The following HFE variants were observed in gnomAD, a reference collection of about 807,000 sequenced individuals.
HFE encodes the protein homeostatic iron regulator, also known as hereditary hemochromatosis protein.
HFE carries 36 observed loss-of-function variants against 40.9 expected under a neutral mutation model. That is an observed-to-expected ratio of 0.88 (90% CI 0.67 to 1.16). The LOEUF is 1.16. HFE is among the 50% of genes most tolerant of loss of function. The probability of loss-of-function intolerance (pLI) is 0.00; values close to 1 mark genes in which losing one functional copy is unlikely to be tolerated. For missense variants in HFE, 376 were observed against 432.0 expected, an observed-to-expected ratio of 0.87 and a Z score of 1.15; for synonymous variants, 157 against 165.4, an observed-to-expected ratio of 0.95 and a Z score of 0.39.
intron 3 of HFE, 26 bp downstream of exon 3, chr6:26,091,615 C>G: frequency 6.2e-7 from 1 of 1,611,020 alleles, no homozygotes; most frequent in Non-Finnish European, 8.5e-7. Flanking sequence ...ACTTCTGCCC[C>G]TATACTCTAG....
rs1762915421 is a variant in HFE at position 26,094,185 on chromosome 6, G to A, written c.1007-1G>A. 6.2e-7 allele frequency: 1 copy of A among 1,613,970 alleles called. No individual in the cohort carries two copies. On this transcript the variant is annotated splice_acceptor_variant, in intron 5 of 5. Transcript: ENST00000357618. LOFTEE classifies it high-confidence loss of function. ...CTTTCCTGGGTCTCTTGTCTCCACA[G>A]GAGGAGCCATGGGGCACTACGTCTT... is the stretch of plus-strand genomic sequence containing the variant.
At position 26,090,983 on chromosome 6, in the gene HFE, A is replaced by G; in HGVS notation, c.219A>G (p.Pro73=). 2.5e-6 allele frequency: 4 copies of G among 1,614,140 alleles called. No homozygotes were observed. Among genetic ancestry groups the G allele is most frequent in the East Asian group, 2.2e-5 (1 of 44,876 alleles). The stretch of plus-strand genomic sequence containing the variant: ...GTCGCCGTGTGGAGCCCCGAACTCC[A>G]TGGGTTTCCAGTAGAATTTCAAGCC... ...HESRRVEPRT[P]WVSSRISSQM... Residue 73 remains proline (P), a synonymous_variant, in exon 2 of 6, where the codon CCA becomes CCG. Coordinates refer to ENST00000357618, the MANE Select transcript of HFE (RefSeq NM_000410.4).
intron 1 of HFE, among the ~76,000 whole-genome samples, chr6:26,088,608 C>G (rs1273376172): frequency 6.6e-6 from 1 of 152,170 alleles, no homozygotes; most frequent in Non-Finnish European, 1.5e-5. Context: ...TTACACATGA[C>G]AAGAATGAGG....
At chr6:26,093,925 G>T (rs1762898060) in intron 5 of HFE, among the ~76,000 whole-genome samples, 1 of 152,102 alleles carries the variant, frequency 6.6e-6, no homozygotes, top group Non-Finnish European at 1.5e-5. Context: ...TATGATCACT[G>T]GGGTGTCATT....
rs550929444 is a variant in HFE at position 26,094,785 on chromosome 6, A to G, written c.*559A>G. 5.5e-6 allele frequency: 2 copies of G among 366,298 alleles called. No individual in the cohort carries two copies. Among genetic ancestry groups the G allele is most frequent in the Middle Eastern group, 8.9e-4 (1 of 1,124 alleles). 22.7% of individuals were successfully genotyped at this position (366,298 alleles called of 1,614,324 possible). On this transcript the variant is annotated 3_prime_UTR_variant, in exon 6 of 6. Transcript: ENST00000357618. ...CATCTGATTGTGATGTGAGTTGCAC[A>G]GCTATGAAGGCTGTACACTGCACGA...
rs1432538644 is a variant in HFE, at chr6:26,087,494, G to A, written c.54G>A (p.Ala18=). 3.1e-6 allele frequency: 5 copies of A among 1,613,780 alleles called. No individual in the cohort carries two copies. The African/African-American group carries it at 4.0e-5, about 13-fold the overall frequency. ...ALLLLMLLQT[A]VLQGRLLRSH... is the part of the protein sequence containing the mutation. Reference sequence around the variant, plus strand: ...TCCTCCTGATGCTTTTGCAGACCGCGGTCCTGCAGGGGCGCTTGCTGCGTG... The same window carrying A: ...TCCTCCTGATGCTTTTGCAGACCGCAGTCCTGCAGGGGCGCTTGCTGCGTG... The change falls in exon 1 of 6, where the codon GCG becomes GCA. Residue 18 remains alanine (A), a synonymous_variant. Coordinates refer to ENST00000357618, the MANE Select transcript of HFE (RefSeq NM_000410.4).
At position 26,091,467 on chromosome 6, in the gene HFE, C is replaced by T. The variant is rs755557023; in HGVS notation, c.494C>T (p.Thr165Ile). The T allele has an allele frequency of 6.2e-7, 1 of 1,614,138 alleles. No individual in the cohort carries two copies. The highest frequency in any genetic ancestry group is 1.1e-5 in the South Asian group (1 of 91,084). ...WRAAEPRAWP[T>I]KLEWERHKIR... ...GCAGCAGAACCCAGGGCCTGGCCCA[C>T]CAAGCTGGAGTGGGAAAGGCACAAG... Residue 165 changes from threonine (T) to isoleucine (I), a missense_variant, in exon 3 of 6, where the codon ACC becomes ATC. Thr to Ile is a moderately conservative substitution (Grantham distance 89). Around this residue, in one of 3 missense-constraint regions of HFE, gnomAD observed 200 missense variants for 228.5 expected, o/e 0.88. Transcript: ENST00000357618.
chr6:26,096,682 G>A lies in HFE; in HGVS notation c.*2456G>A, dbSNP rs986996637. ...GTAGAAAAAAGTAAATGTGATTTAC[G>A]CTCATTGTAGAAAAGCTATAAAATG... On this transcript the variant is annotated 3_prime_UTR_variant, in exon 6 of 6. Coordinates refer to ENST00000357618, the MANE Select transcript of HFE (RefSeq NM_000410.4). 6 of 428,202 alleles carry A rather than the reference G, an allele frequency of 1.4e-5. No homozygotes were observed. The highest frequency in any genetic ancestry group is 6.2e-5 in the African/African-American group (3 of 48,222). 26.5% of individuals were successfully genotyped at this position (428,202 alleles called of 1,614,324 possible). A position where few individuals can be genotyped will look rare whatever the true frequency, so the allele number is the denominator to read the frequency against.
intron 4 of HFE, 39 bp downstream of exon 4, chr6:26,092,999 T>C (rs773843001): frequency 9.3e-6 from 15 of 1,613,726 alleles, no homozygotes; most frequent in Middle Eastern, 1.7e-4. Flanking sequence ...AGAAAATCTA[T>C]TGGGGGTTGA....
chr6:26,089,106 T>TGGGGGGGGG (rs576461485), intron 1 of HFE, among the ~76,000 whole-genome samples: 1 of 5,864 alleles, frequency 1.7e-4, no homozygotes, highest in African/African-American at 5.4e-4. Context: ...TGTGTGTGTG[T>TGGGGGGGGG]GTGGGGGGGG....
intron 1 of HFE, among the ~76,000 whole-genome samples, chr6:26,089,075 G>A (rs891815374): frequency 2.1e-5 from 3 of 143,168 alleles, no homozygotes; most frequent in Non-Finnish European, 3.0e-5. Context: ...ATTAAAAAGC[G>A]GGTTTTCTCA....
chr6:26,093,466 AGG>A (rs896583642), intron 5 of HFE, among the ~76,000 whole-genome samples: 3 of 152,146 alleles, frequency 2.0e-5, no homozygotes, highest in Non-Finnish European at 4.4e-5. Flanking sequence ...AAGGTAGTAC[AGG>A]GGCTTTGAGG....
At chr6:26,087,593 G>C (rs1762371423) in intron 1 of HFE, 77 bp downstream of exon 1, 1 of 1,334,562 alleles carries the variant, frequency 7.5e-7, no homozygotes, top group Non-Finnish European at 1.1e-6. Flanking sequence ...CTTTGCGCTT[G>C]GGAGTTTGCT....
rs149600437 is a variant in HFE at position 26,094,839 on chromosome 6, C to T, written c.*613C>T. 84 of 202,848 alleles carry T rather than the reference C, an allele frequency of 4.1e-4. No individual in the cohort carries two copies. The highest frequency in any genetic ancestry group is 1.8e-3 in the African/African-American group (78 of 42,988). The allele number at this position is 202,848 out of a possible 1,614,324, so 12.6% of individuals were successfully genotyped here. On this transcript the variant is annotated 3_prime_UTR_variant, in exon 6 of 6. Coordinates refer to ENST00000357618, the MANE Select transcript of HFE (RefSeq NM_000410.4). ...GAAGAGGCACCTGTCCCAGAAAAAG[C>T]ATCATGGCTATCTGTGGGTAGTATG... is the stretch of plus-strand genomic sequence containing the variant.
Position 26,091,729 on chromosome 6 carries a change from C to T in HFE, c.616+140C>T, listed in dbSNP as rs1225395332. On this transcript the variant is annotated intron_variant, in intron 3 of 5. Coordinates refer to ENST00000357618, the MANE Select transcript of HFE (RefSeq NM_000410.4). Reference sequence around the variant, plus strand: ...AATTCTGGGAAGGGACTTTCTCAATCCTAGAGTCTCTACCTTATAATTGAG... The same window carrying T: ...AATTCTGGGAAGGGACTTTCTCAATTCTAGAGTCTCTACCTTATAATTGAG... 3.7e-6 allele frequency: 3 copies of T among 808,634 alleles called. No homozygotes were observed. In the African/African-American group the frequency reaches 5.1e-5, roughly 14 times the overall value. 50.1% of individuals were successfully genotyped at this position (808,634 alleles called of 1,614,324 possible).
rs114758821 is a variant in HFE at position 26,087,461 on chromosome 6, G to A, written c.21G>A (p.Pro7=). 2.7e-4 allele frequency: 433 copies of A among 1,614,068 alleles called. 6 individuals carry two copies. The East Asian group carries it at 6.3e-3, about 24-fold the overall frequency. MGPRAR[P]ALLLLMLLQT... ...GGGAAATGGGCCCGCGAGCCAGGCC[G>A]GCGCTTCTCCTCCTGATGCTTTTGC... The change falls in exon 1 of 6, where the codon CCG becomes CCA. Residue 7 remains proline (P), a synonymous_variant. Coordinates refer to ENST00000357618, the MANE Select transcript of HFE (RefSeq NM_000410.4).
intron 1 of HFE, among the ~76,000 whole-genome samples, chr6:26,088,335 A>G (rs541981263): frequency 2.0e-5 from 3 of 152,324 alleles, no homozygotes; most frequent in East Asian, 1.9e-4. Context: ...ATCTGATCTT[A>G]TTTGATTTTC....
rs1416221002 is a variant in HFE, at chr6:26,097,480, AGGTAAATGTACCACGGTGGTCC to A, written c.*3258_*3279del. 5 of 152,338 alleles carry A rather than the reference AGGTAAATGTACCACGGTGGTCC, an allele frequency of 3.3e-5. No individual in the cohort carries two copies. The East Asian group carries it at 9.6e-4, about 29-fold the overall frequency. The allele number at this position is 152,338 out of a possible 1,614,324, so 9.4% of individuals were successfully genotyped here. Reference sequence around the variant, plus strand: ...GAGAAGGGTGACACCTGGTGGCCATAGGTAAATGTACCACGGTGGTCCGGTGACCAGAGATGCAGCGCTGAGG... The same window carrying A: ...GAGAAGGGTGACACCTGGTGGCCATAGGTGACCAGAGATGCAGCGCTGAGG... On this transcript the variant is annotated 3_prime_UTR_variant, in exon 6 of 6. Coordinates refer to ENST00000357618, the MANE Select transcript of HFE (RefSeq NM_000410.4).
rs1415989110 is a variant in HFE at position 26,091,298 on chromosome 6, C to T, written c.341-16C>T. The T allele has an allele frequency of 6.2e-7, 1 of 1,614,096 alleles. No homozygotes were observed. The highest frequency in any genetic ancestry group is 8.5e-7 in the Non-Finnish European group (1 of 1,180,006). On this transcript the variant is annotated splice_polypyrimidine_tract_variant and intron_variant, in intron 2 of 5. Coordinates refer to ENST00000357618, the MANE Select transcript of HFE (RefSeq NM_000410.4). The stretch of plus-strand genomic sequence containing the variant: ...ATTCCTTTGGTTGCAGTTAACAAGG[C>T]TGGGGATTTTTCCAGAGTCCCACAC...
Sources: gnomAD v4.1 joint callset for allele counts (sites outside exome capture counted in the v4.1 genomes callset) on GRCh38, gnomAD v4.1.1 for gene constraint, gnomAD v4.1.1 regional missense constraint, MANE v1.5 for transcripts, NCBI Gene and HGNC (gene_info 2026-07-23, HGNC 2026-07-21) for gene names.